The following STK32B variants were observed in gnomAD, a reference collection of about 807,000 sequenced individuals.
The protein encoded by STK32B is serine/threonine kinase 32B.
In STK32B, 43 loss-of-function variants were observed where a neutral mutation model predicts 52.6. The observed-to-expected ratio is 0.82, with a 90% CI of 0.64 to 1.05. The LOEUF is 1.05. Among genes scored for constraint, STK32B ranks in the 50% least tolerant of loss-of-function variants. The pLI is 0.00. For missense variants in STK32B, 621 were observed against 534.6 expected (o/e 1.16, Z -1.59); for synonymous variants, 238 against 204.3 (o/e 1.17, Z -1.41).
intron 3 of STK32B, among the ~76,000 whole-genome samples, chr4:5,270,686 T>G (rs1727367078): frequency 1.3e-5 from 2 of 152,128 alleles, no homozygotes; most frequent in South Asian, 4.1e-4. Context: ...AACATTGTAC[T>G]GAAGGGCATA....
chr4:5,207,881 T>C (rs1722672145), intron 3 of STK32B, among the ~76,000 whole-genome samples: 2 of 152,052 alleles, frequency 1.3e-5, no homozygotes, highest in South Asian at 4.2e-4. Context: ...TTATTACTTT[T>C]ATTTTATTTT....
intron 4 of STK32B, among the ~76,000 whole-genome samples, chr4:5,357,935 C>A (rs545962439): frequency 1.8e-4 from 27 of 152,162 alleles, no homozygotes; most frequent in African/African-American, 6.0e-4. Context: ...GGGGTCATAT[C>A]AACTAGAAAG....
intron 3 of STK32B, among the ~76,000 whole-genome samples, chr4:5,269,003 C>G (rs1727237942): frequency 6.6e-6 from 1 of 152,004 alleles, no homozygotes; most frequent in African/African-American, 2.4e-5. Context: ...GGTTGTGACT[C>G]TGGAAGCAGG....
At chr4:5,027,148 C>T in the STK32B span, among the ~76,000 whole-genome samples, 1 of 152,148 alleles carries the variant, frequency 6.6e-6, no homozygotes, top group Admixed American at 6.5e-5. Context: ...ACACATCTTC[C>T]CCTGTTTATG....
chr4:5,362,691 G>A (rs925802176), intron 4 of STK32B, among the ~76,000 whole-genome samples: 3 of 152,144 alleles, frequency 2.0e-5, no homozygotes, highest in Non-Finnish European at 4.4e-5. Flanking sequence ...TGGAAAAACA[G>A]CAATGGAAGA....
chr4:5,248,923 T>A (rs1725669597), intron 3 of STK32B, among the ~76,000 whole-genome samples: 1 of 144,994 alleles, frequency 6.9e-6, no homozygotes, highest in African/African-American at 2.6e-5. Context: ...TGGGGACTGT[T>A]GTGGGGTGGG....
chr4:5,060,721 T>G (rs1742186304), intron 1 of STK32B, among the ~76,000 whole-genome samples: 1 of 152,224 alleles, frequency 6.6e-6, no homozygotes, highest in African/African-American at 2.4e-5. Flanking sequence ...TTTTTTCACT[T>G]TGTACTTGTC....
intron 3 of STK32B, among the ~76,000 whole-genome samples, chr4:5,192,879 C>G (rs1476091336): frequency 1.3e-5 from 2 of 152,216 alleles, no homozygotes; most frequent in East Asian, 3.9e-4. Context: ...CTCCCCTCCA[C>G]CCAGCCCCTG....
At chr4:5,024,023 T>A in the STK32B span, among the ~76,000 whole-genome samples, 8,014 of 152,236 alleles carry the variant, frequency 0.053, 214 homozygotes, top group South Asian at 0.081. Context: ...AAGTGCAATT[T>A]GAAAATATAG....
chr4:5,257,897 C>T (rs1012097978), intron 3 of STK32B, among the ~76,000 whole-genome samples: 8 of 152,192 alleles, frequency 5.3e-5, no homozygotes, highest in Admixed American at 1.3e-4. Flanking sequence ...GAGCCAAGAT[C>T]GTGCCACTGC....
intron 4 of STK32B, among the ~76,000 whole-genome samples, chr4:5,392,173 G>A (rs1328090340): frequency 5.9e-5 from 9 of 152,164 alleles, no homozygotes; most frequent in Middle Eastern, 3.2e-3. Context: ...GATGGCTCAC[G>A]CCTGTAATCC....
chr4:5,108,777 T>C (rs1392651849), intron 1 of STK32B, among the ~76,000 whole-genome samples: 1 of 152,218 alleles, frequency 6.6e-6, no homozygotes, highest in Non-Finnish European at 1.5e-5. Context: ...CTGCCGATGC[T>C]GTGAGTCTGT....
In STK32B at chr4:5,163,529, G is replaced by C. The variant is rs74637003; in HGVS notation, c.109-4770G>C. ...AAGAAATTCTAAAGAGTTTGAGATAGAGTGAAGGCTGTGTGTGTGTGTGTG... is the reference window on the plus strand; with the variant it reads ...AAGAAATTCTAAAGAGTTTGAGATACAGTGAAGGCTGTGTGTGTGTGTGTG... On this transcript the variant is annotated intron_variant, in intron 2 of 11. Coordinates refer to ENST00000282908, the MANE Select transcript of STK32B (RefSeq NM_018401.3). Among the ~76,000 whole-genome samples, 39 of 142,692 alleles carry C rather than the reference G, an allele frequency of 2.7e-4. No homozygotes were observed. The East Asian group carries it at 6.8e-3, about 25-fold the overall frequency. 93.6% of individuals were successfully genotyped at this position (142,692 alleles called of 152,430 possible).
chr4:5,331,186 A>G (rs1054736202), intron 3 of STK32B, 34 bp from the exon 4 acceptor site: 1 of 1,572,466 alleles, frequency 6.4e-7, no homozygotes, highest in Non-Finnish European at 8.6e-7. Context: ...AGGTGCCTCC[A>G]CCCCTAATCT....
chr4:5,473,470 T>C (rs1718001315), intron 11 of STK32B, among the ~76,000 whole-genome samples: 1 of 152,156 alleles, frequency 6.6e-6, no homozygotes, highest in South Asian at 2.1e-4. Context: ...GTTATGCTTA[T>C]TCCCCCCCAT....
chr4:5,391,249 G>A (rs557255420), intron 4 of STK32B, among the ~76,000 whole-genome samples: 2 of 152,062 alleles, frequency 1.3e-5, no homozygotes, highest in East Asian at 1.9e-4. Flanking sequence ...TGTGAGCCAC[G>A]GTGCCTGGCC....
chr4:5,469,657 G>A lies in STK32B; in HGVS notation c.1106+1587G>A, dbSNP rs1247360926. 6.6e-6 allele frequency among the ~76,000 whole-genome samples: 1 copy of A among 152,178 alleles called. No individual in the cohort carries two copies. Among genetic ancestry groups the A allele is most frequent in the Non-Finnish European group, 1.5e-5 (1 of 68,032 alleles). ...TGACCCTGAGTGGCTATAGCTCTGAGGGCCAATGGGTGCCCAGATCAGCAC... is the reference window on the plus strand; with the variant it reads ...TGACCCTGAGTGGCTATAGCTCTGAAGGCCAATGGGTGCCCAGATCAGCAC... On this transcript the variant is annotated intron_variant, in intron 11 of 11. Transcript: ENST00000282908. The surrounding 1 kb of genome is among the most constrained non-coding windows in gnomAD (Gnocchi z 4.7).
At chr4:5,303,165 A>G (rs1423200731) in intron 3 of STK32B, among the ~76,000 whole-genome samples, 2 of 152,042 alleles carry the variant, frequency 1.3e-5, no homozygotes, top group Non-Finnish European at 2.9e-5. Flanking sequence ...TCTTTTTTGT[A>G]TAATGACTTC....
intron 3 of STK32B, among the ~76,000 whole-genome samples, chr4:5,245,101 A>T (rs1434895302): frequency 1.3e-5 from 2 of 152,118 alleles, no homozygotes; most frequent in Non-Finnish European, 2.9e-5. Context: ...CTTGGTGCAG[A>T]GCTGAGTTCA....
Sources: gnomAD v4.1 joint callset for allele counts (sites outside exome capture counted in the v4.1 genomes callset) on GRCh38, gnomAD v4.1.1 for gene constraint, Gnocchi (gnomAD v3.1) non-coding constraint, MANE v1.5 for transcripts, NCBI Gene and HGNC (gene_info 2026-07-23, HGNC 2026-07-21) for gene names.